NMNAT3: variants seen among roughly 807,000 people sequenced by gnomAD.
NMNAT3 encodes nicotinamide nucleotide adenylyltransferase 3, also known as nicotinamide/nicotinic acid mononucleotide adenylyltransferase 3.
In NMNAT3, 21 loss-of-function variants were observed where a neutral mutation model predicts 24.8. The observed-to-expected ratio is 0.85, with a 90% CI of 0.60 to 1.22. The LOEUF (loss-of-function observed/expected upper bound fraction) is 1.22, where lower values mean the gene tolerates loss of function less well. Among genes scored for constraint, NMNAT3 ranks in the 50% most tolerant of loss-of-function variants. NMNAT3 has a pLI of 0.00. For synonymous variants in NMNAT3, 136 were observed against 155.2 expected, an observed-to-expected ratio of 0.88 and a Z score of 0.92; for missense variants, 387 against 436.6, an observed-to-expected ratio of 0.89 and a Z score of 1.01.
At chr3:139,571,937 C>G (rs1317232411) in intron 6 of NMNAT3, among the ~76,000 whole-genome samples, 2 of 152,186 alleles carry the variant, frequency 1.3e-5, no homozygotes, top group East Asian at 3.9e-4. Context: ...TCCAGTCTGC[C>G]CTAGTGGCAT....
chr3:139,645,243 T>G (rs1391180650), intron 1 of NMNAT3, among the ~76,000 whole-genome samples: 1 of 151,904 alleles, frequency 6.6e-6, no homozygotes, highest in African/African-American at 2.4e-5. Context: ...GAAGCAGTAG[T>G]TGGAGAATGA....
chr3:139,631,683 A>C (rs1559931928), intron 2 of NMNAT3, among the ~76,000 whole-genome samples: 2 of 150,412 alleles, frequency 1.3e-5, no homozygotes, highest in East Asian at 3.9e-4. Context: ...CTCCATAGTC[A>C]TCTAGACAGC....
chr3:139,611,281 T>G (rs1559907599), intron 3 of NMNAT3, among the ~76,000 whole-genome samples: 1 of 152,182 alleles, frequency 6.6e-6, no homozygotes, highest in African/African-American at 2.4e-5. Context: ...GGAGATGCTT[T>G]AACGAAGTGT....
intron 6 of NMNAT3, among the ~76,000 whole-genome samples, chr3:139,563,117 G>A (rs1029042888): frequency 6.6e-6 from 1 of 152,104 alleles, no homozygotes; most frequent in Non-Finnish European, 1.5e-5. Flanking sequence ...TTTATGAATT[G>A]TCTCCCAGTG....
chr3:139,578,208 T>C (rs375462319), intron 5 of NMNAT3, among the ~76,000 whole-genome samples: 66 of 152,306 alleles, frequency 4.3e-4, no homozygotes, highest in South Asian at 1.9e-3. Flanking sequence ...TGCCCTAACA[T>C]GCAGGGCTGG....
intron 1 of NMNAT3, among the ~76,000 whole-genome samples, chr3:139,649,489 C>T (rs1459741671): frequency 6.6e-6 from 1 of 152,156 alleles, no homozygotes; most frequent in Non-Finnish European, 1.5e-5. Flanking sequence ...GCAAAGTCAC[C>T]ATTCATTGAC....
In NMNAT3 at chr3:139,618,864, A is replaced by G. The variant is rs149752054; in HGVS notation, c.109+8752T>C. Reference sequence around the variant, plus strand: ...TGCAGAGAAGGAAAATTCACTCCACATACTCTCATGGTGGCAAGTGGGTCC... The same window carrying G: ...TGCAGAGAAGGAAAATTCACTCCACGTACTCTCATGGTGGCAAGTGGGTCC... On this transcript the variant is annotated intron_variant, in intron 3 of 6. Coordinates refer to ENST00000643695, the MANE Select transcript of NMNAT3 (RefSeq NM_001320510.2). 5.0e-4 allele frequency among the ~76,000 whole-genome samples: 76 copies of G among 152,290 alleles called. No individual in the cohort carries two copies. In the East Asian group the frequency reaches 7.0e-3, roughly 14 times the overall value.
chr3:139,622,848 T>TATA (rs374982919), intron 3 of NMNAT3, among the ~76,000 whole-genome samples: 1 of 136,368 alleles, frequency 7.3e-6, no homozygotes, highest in African/African-American at 2.7e-5. Flanking sequence ...ATTATATATA[T>TATA]TATATATATA....
chr3:139,634,504 C>T (rs1011321594), intron 2 of NMNAT3, 107 bp downstream of exon 3: 2 of 152,112 alleles, frequency 1.3e-5, no homozygotes, highest in African/African-American at 4.8e-5. Flanking sequence ...GTGAGCGTGT[C>T]GACTTCTCTA....
At chr3:139,627,553 A>G (rs1387989431) in intron 3 of NMNAT3, 63 bp downstream of exon 4, 2 of 872,484 alleles carry the variant, frequency 2.3e-6, no homozygotes, top group African/African-American at 3.4e-5. Flanking sequence ...GCCAGCAGCC[A>G]GAAAAGCCCC....
At chr3:139,636,652 G>A (rs1559937660) in intron 2 of NMNAT3, 3 of 152,168 alleles carry the variant, frequency 2.0e-5, no homozygotes, top group East Asian at 1.9e-4. Context: ...GCTGTGCCTC[G>A]AAATTGAGTT....
At position 139,656,526 on chromosome 3, in the gene NMNAT3, A is replaced by T. The variant is rs549974446; in HGVS notation, c.-140-18464T>A. On this transcript the variant is annotated intron_variant, in intron 1 of 6. Coordinates refer to ENST00000643695, the MANE Select transcript of NMNAT3 (RefSeq NM_001320510.2). The stretch of plus-strand genomic sequence containing the variant: ...TGGAAAAACAAGCAGCTACTTAAAT[A>T]CTCAAAATGCCAGCACTTTGGGAGG... Among the ~76,000 whole-genome samples the T allele has an allele frequency of 2.6e-5, 4 of 152,016 alleles. No homozygotes were observed. The East Asian group carries it at 7.7e-4, about 29-fold the overall frequency.
At chr3:139,672,555 G>A (rs1014703271) in intron 1 of NMNAT3, 3 of 152,228 alleles carry the variant, frequency 2.0e-5, no homozygotes, top group Admixed American at 1.3e-4. Context: ...GCTGTACCTT[G>A]AGAATATAGC....
chr3:139,574,398 C>G lies in NMNAT3; in HGVS notation c.576-718G>C, dbSNP rs78898983. ...GTTATGAAGATTAAAGGGGTTAATACACACAAAGTGCACTGGGCATTTCAA... is the reference window on the plus strand; with the variant it reads ...GTTATGAAGATTAAAGGGGTTAATAGACACAAAGTGCACTGGGCATTTCAA... On this transcript the variant is annotated intron_variant, in intron 5 of 6. Coordinates refer to ENST00000643695, the MANE Select transcript of NMNAT3 (RefSeq NM_001320510.2). Among the ~76,000 whole-genome samples, 1,346 of 152,346 alleles carry G rather than the reference C, an allele frequency of 8.8e-3. 13 individuals are homozygous for G. The highest frequency in any genetic ancestry group is 0.01 in the Middle Eastern group (3 of 294).
chr3:139,573,027 C>T (rs1384596672), intron 6 of NMNAT3, among the ~76,000 whole-genome samples: 1 of 152,150 alleles, frequency 6.6e-6, no homozygotes, highest in Admixed American at 6.5e-5. Flanking sequence ...GACACCAGGG[C>T]AGCTCATACT....
intron 2 of NMNAT3, chr3:139,637,300 C>A (rs1172295000): frequency 2.6e-5 from 4 of 152,178 alleles, no homozygotes; most frequent in Non-Finnish European, 5.9e-5. Context: ...AGATGATAGA[C>A]CAGCCACTAC....
At chr3:139,594,808 A>G (rs551895004) in intron 3 of NMNAT3, among the ~76,000 whole-genome samples, 1 of 152,364 alleles carries the variant, frequency 6.6e-6, no homozygotes, top group East Asian at 1.9e-4. Flanking sequence ...GATGAGACGT[A>G]TCTCAAAATA....
At chr3:139,582,842 CT>C in intron 4 of NMNAT3, 2 of 870,900 alleles carry the variant, frequency 2.3e-6, no homozygotes, top group Non-Finnish European at 3.3e-6. Context: ...TGCAACTCTT[CT>C]TTCAAATTAT....
chr3:139,620,480 A>G (rs2055716969), intron 3 of NMNAT3, among the ~76,000 whole-genome samples: 1 of 152,124 alleles, frequency 6.6e-6, no homozygotes, highest in African/African-American at 2.4e-5. Flanking sequence ...TTCAAAATTC[A>G]TGTCTACTGC....
Sources: allele counts gnomAD v4.1 joint callset (sites outside exome capture counted in the v4.1 genomes callset), GRCh38; gene constraint gnomAD v4.1.1; transcripts MANE v1.5; gene names NCBI Gene and HGNC (gene_info 2026-07-23, HGNC 2026-07-21).